Variants in CD276 observed in about 807,000 individuals in gnomAD.
CD276 encodes CD276 antigen.
Under a neutral mutation model 50.0 loss-of-function variants are expected in CD276, and 34 were observed. The ratio of observed to expected loss-of-function variants is 0.68; its 90% CI spans 0.52 to 0.91. The LOEUF (loss-of-function observed/expected upper bound fraction) is 0.91. CD276 is among the 40% of genes least tolerant of loss of function. CD276 has a pLI of 0.00. For synonymous variants in CD276, 275 were observed against 313.0 expected (o/e 0.88, Z 1.28); for missense variants, 634 against 717.5 (o/e 0.88, Z 1.33).
intron 1 of CD276, among the ~76,000 whole-genome samples, chr15:73,688,191 T>C (rs1344851707): frequency 2.0e-5 from 3 of 151,966 alleles, no homozygotes; most frequent in African/African-American, 7.3e-5. Context: ...ATGTGTGGCC[T>C]GACAGAGGAG....
In CD276 at chr15:73,703,914, TGC is replaced by T; in HGVS notation, c.991_992del (p.Arg331CysfsTer60). 1 of 1,613,518 alleles carries T rather than the reference TGC, an allele frequency of 6.2e-7. No individual in the cohort carries two copies. The highest frequency in any genetic ancestry group is 8.5e-7 in the Non-Finnish European group (1 of 1,179,978). ...AATGCATCCCTGAGGCTGCAGCGCG[TGC>T]GTGTGGCGGACGAGGGCAGCTTCAC... On this transcript the variant is annotated frameshift_variant, in exon 5 of 10. Transcript: ENST00000318443. LOFTEE classifies it high-confidence loss of function.
At chr15:73,694,102 G>C (rs1285113878) in intron 1 of CD276, among the ~76,000 whole-genome samples, 2 of 152,158 alleles carry the variant, frequency 1.3e-5, no homozygotes, top group Admixed American at 1.3e-4. Flanking sequence ...GGACATTTTG[G>C]TGTGGATGAT....
chr15:73,711,345 C>A (rs1330155763), intron 9 of CD276, 175 bp downstream of exon 9: 7 of 655,990 alleles, frequency 1.1e-5, no homozygotes, highest in Non-Finnish European at 1.9e-5. Flanking sequence ...AAGGTCCCAG[C>A]TGCTCTGATG....
Position 73,703,061 on chromosome 15 carries a change from C to T in CD276, c.708C>T (p.Thr236=), listed in dbSNP as rs984730208. 3.7e-6 allele frequency: 6 copies of T among 1,608,548 alleles called. No individual in the cohort carries two copies. The African/African-American group carries it at 6.7e-5, about 18-fold the overall frequency. The stretch of plus-strand genomic sequence containing the variant: ...AGCAGGATGCGCACAGCTCTGTCAC[C>T]ATCACACCCCAGAGAAGCCCCACAG... ...VLQQDAHSSV[T]ITPQRSPTGA... is the part of the protein sequence containing the mutation. The change falls in exon 4 of 10, where the codon ACC becomes ACT. Residue 236 remains threonine, a synonymous_variant. Coordinates refer to ENST00000318443, the MANE Select transcript of CD276 (RefSeq NM_001024736.2).
intron 1 of CD276, among the ~76,000 whole-genome samples, chr15:73,692,202 C>T (rs1900013562): frequency 6.6e-6 from 1 of 152,164 alleles, no homozygotes; most frequent in Non-Finnish European, 1.5e-5. Flanking sequence ...CTGTGCAGTC[C>T]TTACTGAGCC....
At chr15:73,699,814 C>T in intron 2 of CD276, 96 bp downstream of exon 2, 3 of 1,401,042 alleles carry the variant, frequency 2.1e-6, no homozygotes, top group Non-Finnish European at 2.9e-6. Flanking sequence ...GCCAAGCCAG[C>T]TCTGGCTAGC....
Position 73,711,344 on chromosome 15 carries a change from G to A in CD276, c.1582+174G>A, listed in dbSNP as rs986579052. The A allele has an allele frequency of 8.0e-5, 53 of 659,876 alleles. No homozygotes were observed. In the African/African-American group the frequency reaches 8.5e-4, roughly 11 times the overall value. 40.9% of individuals were successfully genotyped at this position (659,876 alleles called of 1,614,324 possible). Reference sequence around the variant, plus strand: ...AGAGGGCTGAGTAACCAAGGTCCCAGCTGCTCTGATGGGACCCAAATACGA... The same window carrying A: ...AGAGGGCTGAGTAACCAAGGTCCCAACTGCTCTGATGGGACCCAAATACGA... On this transcript the variant is annotated intron_variant, in intron 9 of 9. Coordinates refer to ENST00000318443, the MANE Select transcript of CD276 (RefSeq NM_001024736.2).
At position 73,709,689 on chromosome 15, in the gene CD276, G is replaced by A. The variant is rs577178317; in HGVS notation, c.1546G>A (p.Ala516Thr). ...QDGEGEGSKT[A>T]LQPLKHSDSK... ...TGGGGAGGGAGAAGGCTCCAAGACA[G>A]GTGAGTCTGAACTTGGAGCTGGCCC... is the stretch of plus-strand genomic sequence containing the variant. The change falls in exon 8 of 10, where the codon GCC becomes ACC. Residue 516 changes from alanine to threonine, a missense_variant and splice_region_variant. By Grantham distance (58) the Ala-to-Thr change is moderately conservative. Transcript: ENST00000318443. The A allele has an allele frequency of 3.1e-6, 5 of 1,612,128 alleles. No individual in the cohort carries two copies. In the African/African-American group the frequency reaches 6.7e-5, roughly 22 times the overall value.
chr15:73,696,029 G>A (rs1158520860), intron 1 of CD276, among the ~76,000 whole-genome samples: 1 of 152,192 alleles, frequency 6.6e-6, no homozygotes, highest in Non-Finnish European at 1.5e-5. Flanking sequence ...TCATCTCTTG[G>A]GAGCCTCCCT....
At chr15:73,692,722 T>C (rs1253992684) in intron 1 of CD276, among the ~76,000 whole-genome samples, 1 of 152,260 alleles carries the variant, frequency 6.6e-6, no homozygotes, top group African/African-American at 2.4e-5. Flanking sequence ...TCCATTCATA[T>C]TGCATGCATG....
chr15:73,700,399 C>T (rs1330846078), intron 2 of CD276, among the ~76,000 whole-genome samples: 1 of 152,190 alleles, frequency 6.6e-6, no homozygotes, highest in Non-Finnish European at 1.5e-5. Context: ...GAGACGGCTT[C>T]CTCCGTGGGG....
intron 2 of CD276, among the ~76,000 whole-genome samples, chr15:73,701,481 G>A (rs951585635): frequency 1.3e-5 from 2 of 152,174 alleles, no homozygotes; most frequent in African/African-American, 4.8e-5. Context: ...TTTGGTCTGG[G>A]TGGGACATGC....
At chr15:73,700,882 T>TCCCCCCTCCTG (rs1287820004) in intron 2 of CD276, among the ~76,000 whole-genome samples, 1 of 366 alleles carries the variant, frequency 2.7e-3, no homozygotes, top group Admixed American at 0.023. Context: ...GGGGTTCGCT[T>TCCCCCCTCCTG]CCCCTCCTCC....
chr15:73,710,130 G>A (rs749629670), intron 8 of CD276, among the ~76,000 whole-genome samples: 5 of 152,164 alleles, frequency 3.3e-5, no homozygotes, highest in South Asian at 2.1e-4. Context: ...AGATTCATAG[G>A]TTGTTTGAAT....
rs190917777 is a variant in CD276 at position 73,689,308 on chromosome 15, C to T, written c.-55+4848C>T. ...TAGTTCCAGGGAGACCTTAGCCCTGCTTTGCTGGCCAGCCCTGATGACATA... is the reference window on the plus strand; with the variant it reads ...TAGTTCCAGGGAGACCTTAGCCCTGTTTTGCTGGCCAGCCCTGATGACATA... On this transcript the variant is annotated intron_variant, in intron 1 of 9. Coordinates refer to ENST00000318443, the MANE Select transcript of CD276 (RefSeq NM_001024736.2). Among the ~76,000 whole-genome samples the T allele has an allele frequency of 3.3e-4, 50 of 151,946 alleles. No homozygotes were observed. In the East Asian group the frequency reaches 8.2e-3, roughly 25 times the overall value.
intron 7 of CD276, 195 bp from the exon 8 acceptor site, chr15:73,709,453 G>GC: frequency 1.7e-6 from 1 of 588,796 alleles, no homozygotes; most frequent in Non-Finnish European, 3.0e-6. Flanking sequence ...CAGGCTGGGA[G>GC]CCCCTTCATG....
chr15:73,708,719 G>GGAGT (rs1900756497), intron 7 of CD276: 5 of 532,642 alleles, frequency 9.4e-6, no homozygotes, highest in Non-Finnish European at 1.4e-5. Flanking sequence ...GAAGGTGGTG[G>GGAGT]GAGTGTAAGG....
intron 1 of CD276, among the ~76,000 whole-genome samples, chr15:73,697,853 C>A (rs1380179264): frequency 6.6e-6 from 1 of 152,218 alleles, no homozygotes; most frequent in Non-Finnish European, 1.5e-5. Context: ...AGGCATGAGC[C>A]ACCACACCCA....
chr15:73,697,583 T>G (rs1900225290), intron 1 of CD276: 2 of 151,516 alleles, frequency 1.3e-5, no homozygotes, highest in South Asian at 4.2e-4. Flanking sequence ...TTTTTTTTTT[T>G]TTTGAGACAG....
Sources: gnomAD v4.1 joint callset for allele counts (sites outside exome capture counted in the v4.1 genomes callset) on GRCh38, gnomAD v4.1.1 for gene constraint, MANE v1.5 for transcripts, NCBI Gene and HGNC (gene_info 2026-07-23, HGNC 2026-07-21) for gene names.